Variants in TMEM74 observed in about 807,000 individuals in gnomAD.
The protein encoded by TMEM74 is transmembrane protein 74.
TMEM74 carries 13 observed loss-of-function variants against 18.1 expected under a neutral mutation model. The observed-to-expected ratio is 0.72, with a 90% confidence interval of 0.47 to 1.14. The LOEUF (loss-of-function observed/expected upper bound fraction) is 1.14. TMEM74 is among the 50% of genes most tolerant of loss of function. TMEM74 has a pLI of 0.00. For missense variants in TMEM74, 372 were observed against 375.9 expected (o/e 0.99, Z 0.09); for synonymous variants, 159 against 146.6 (o/e 1.08, Z -0.61).
intron 1 of TMEM74, among the ~76,000 whole-genome samples, chr8:108,736,226 T>C (rs1379733769): frequency 2.6e-5 from 4 of 152,120 alleles, no homozygotes; most frequent in Non-Finnish European, 5.9e-5. Flanking sequence ...GTACTTTCTG[T>C]TGTATTTGAG....
intron 1 of TMEM74, among the ~76,000 whole-genome samples, chr8:108,680,565 G>T (rs1813102900): frequency 6.6e-6 from 1 of 152,162 alleles, no homozygotes; most frequent in South Asian, 2.1e-4. Flanking sequence ...ATATCATACT[G>T]AATGGGCAAA....
chr8:108,614,433 T>C (rs1023697952), intron 2 of TMEM74, among the ~76,000 whole-genome samples: 5 of 152,004 alleles, frequency 3.3e-5, no homozygotes, highest in African/African-American at 9.7e-5. Flanking sequence ...GGTGAGAGGC[T>C]AAAAGGGAAT....
At chr8:108,678,203 T>A (rs1813073480) in intron 1 of TMEM74, among the ~76,000 whole-genome samples, 1 of 152,182 alleles carries the variant, frequency 6.6e-6, no homozygotes. Flanking sequence ...GAGAAATTCT[T>A]ATAGGATATT....
At chr8:108,725,404 T>C (rs73309834) in intron 1 of TMEM74, among the ~76,000 whole-genome samples, 3,293 of 152,270 alleles carry the variant, frequency 0.022, 127 homozygotes, top group African/African-American at 0.075. Context: ...AACCACTTCT[T>C]AAACAAATGA....
intron 1 of TMEM74, among the ~76,000 whole-genome samples, chr8:108,743,328 C>A (rs1031065766): frequency 6.6e-6 from 1 of 152,158 alleles, no homozygotes; most frequent in African/African-American, 2.4e-5. Flanking sequence ...TAGCTCAACT[C>A]TCTCTTTTGT....
chr8:108,668,950 A>G (rs1048669034), intron 1 of TMEM74, among the ~76,000 whole-genome samples: 3 of 152,004 alleles, frequency 2.0e-5, no homozygotes, highest in Non-Finnish European at 2.9e-5. Flanking sequence ...TGCAGTTACA[A>G]CATTAATCCA....
intron 1 of TMEM74, among the ~76,000 whole-genome samples, chr8:108,677,009 A>G (rs929943740): frequency 1.3e-5 from 2 of 152,252 alleles, no homozygotes. Flanking sequence ...AAATCAAAAC[A>G]TTATTCAAAG....
intron 1 of TMEM74, among the ~76,000 whole-genome samples, chr8:108,671,751 T>G (rs1813006988): frequency 6.6e-6 from 1 of 152,094 alleles, no homozygotes; most frequent in Middle Eastern, 3.4e-3. Context: ...TCAACTAGAT[T>G]AAAACAAACT....
At chr8:108,748,683 G>GT (rs61210114) in intron 1 of TMEM74, among the ~76,000 whole-genome samples, 3,041 of 132,606 alleles carry the variant, frequency 0.023, 45 homozygotes, top group African/African-American at 0.048. Context: ...TTCTTCTAGG[G>GT]TTTTTTTTTT....
intron 2 of TMEM74, among the ~76,000 whole-genome samples, chr8:108,611,429 C>G (rs1215025221): frequency 6.6e-6 from 1 of 152,176 alleles, no homozygotes; most frequent in Non-Finnish European, 1.5e-5. Context: ...CTCCAACATA[C>G]TAATTATTCA....
At chr8:108,680,113 C>A (rs1439955722) in intron 1 of TMEM74, among the ~76,000 whole-genome samples, 2 of 152,168 alleles carry the variant, frequency 1.3e-5, no homozygotes, top group Non-Finnish European at 2.9e-5. Flanking sequence ...ACCATTCCTT[C>A]TGAAACTATT....
In TMEM74 at chr8:108,760,948, C is replaced by T. The variant is rs550537381; in HGVS notation, n.119+26528G>A. On this transcript the variant is annotated intron_variant and non_coding_transcript_variant, in intron 1 of 3. Coordinates refer to the TMEM74 transcript ENST00000518838. ...CTAATTGCAGTGTTCTCCTCTTGTA[C>T]GGGGTTCTTTTTAAGTGGTTTTGGA... 8.0e-5 allele frequency among the ~76,000 whole-genome samples: 12 copies of T among 150,538 alleles called. No individual in the cohort carries two copies. The East Asian group carries it at 1.4e-3, about 17-fold the overall frequency.
chr8:108,782,017 T>A lies in TMEM74; in HGVS notation c.*2164A>T, dbSNP rs1365334252. 1.3e-5 allele frequency among the ~76,000 whole-genome samples: 2 copies of A among 152,344 alleles called. No individual in the cohort carries two copies. The highest frequency in any genetic ancestry group is 3.9e-4 in the East Asian group (2 of 5,180). On this transcript the variant is annotated 3_prime_UTR_variant, in exon 2 of 2. Transcript: ENST00000297459. ...TAATTAATCCTGTTTCACCAATAAA[T>A]AAAAACTCAGTTGATCTCATTTAGC...
At chr8:108,702,537 G>A (rs990543929) in intron 1 of TMEM74, among the ~76,000 whole-genome samples, 5 of 151,974 alleles carry the variant, frequency 3.3e-5, no homozygotes, top group East Asian at 3.9e-4. Context: ...AAATTAATTC[G>A]AAATGGATCA....
chr8:108,757,804 C>A (rs372636591), intron 1 of TMEM74, among the ~76,000 whole-genome samples: 1 of 151,940 alleles, frequency 6.6e-6, no homozygotes, highest in Non-Finnish European at 1.5e-5. Flanking sequence ...CCTTTCAAAT[C>A]AAATCAGGAG....
chr8:108,766,318 T>C (rs1312606843), intron 1 of TMEM74, among the ~76,000 whole-genome samples: 1 of 152,050 alleles, frequency 6.6e-6, no homozygotes, highest in East Asian at 1.9e-4. Flanking sequence ...TATGGGTTCA[T>C]GGGAATGTTC....
chr8:108,646,905 G>A (rs368922386), intron 2 of TMEM74, among the ~76,000 whole-genome samples: 1 of 152,148 alleles, frequency 6.6e-6, no homozygotes, highest in Non-Finnish European at 1.5e-5. Flanking sequence ...TAACACAGGG[G>A]TGGGTTCCTC....
At chr8:108,733,529 AG>A (rs1046919274) in intron 1 of TMEM74, among the ~76,000 whole-genome samples, 11 of 152,236 alleles carry the variant, frequency 7.2e-5, no homozygotes, top group Admixed American at 5.2e-4. Context: ...GGAAATTTTT[AG>A]GGGTGTTGGA....
At chr8:108,632,225 G>C (rs985310978) in intron 2 of TMEM74, among the ~76,000 whole-genome samples, 20 of 151,912 alleles carry the variant, frequency 1.3e-4, no homozygotes, top group Non-Finnish European at 2.2e-4. Flanking sequence ...ATTAAGTATA[G>C]GGGAAAGGAA....
Sources: allele counts gnomAD v4.1 joint callset (sites outside exome capture counted in the v4.1 genomes callset), GRCh38; gene constraint gnomAD v4.1.1; transcripts MANE v1.5; gene names NCBI Gene and HGNC (gene_info 2026-07-23, HGNC 2026-07-21).